The following CASR variants were observed in gnomAD, a reference collection of about 807,000 sequenced individuals.
The protein encoded by CASR is extracellular calcium-sensing receptor.
A neutral mutation model predicts 69.1 loss-of-function variants in CASR; 23 were observed. The observed-to-expected ratio is 0.33, with a 90% CI of 0.24 to 0.47. The LOEUF is 0.47. Ranked by LOEUF, CASR falls within the 20% of genes least tolerant of loss-of-function variation. The pLI is 1.00. For missense variants in CASR, 924 were observed against 1,356.1 expected, an observed-to-expected ratio of 0.68 and a Z score of 5.00; for synonymous variants, 541 against 544.7, an observed-to-expected ratio of 0.99 and a Z score of 0.10.
chr3:122,200,720 T>C (rs1403037693), intron 1 of CASR, among the ~76,000 whole-genome samples: 1 of 152,198 alleles, frequency 6.6e-6, no homozygotes, highest in Non-Finnish European at 1.5e-5. Context: ...CTTTGGCACA[T>C]GTACAAAAGT....
At chr3:122,223,734 AC>A (rs1223553933) in intron 1 of CASR, among the ~76,000 whole-genome samples, 2 of 152,166 alleles carry the variant, frequency 1.3e-5, no homozygotes, top group Non-Finnish European at 2.9e-5. Flanking sequence ...CAAAGACACA[AC>A]CAAAAAAGAA....
chr3:122,194,001 G>A lies in CASR; in HGVS notation c.-243+10189G>A, dbSNP rs558956250. The stretch of plus-strand genomic sequence containing the variant: ...GTCCTAGGCCTGAGGGTTTGTAGGT[G>A]GTGGAAACTAGTCATCTTGGCCCCA... On this transcript the variant is annotated intron_variant, in intron 1 of 6. Transcript: ENST00000639785. Among the ~76,000 whole-genome samples the A allele has an allele frequency of 2.6e-5, 4 of 152,208 alleles. No homozygotes were observed. In the East Asian group the frequency reaches 7.7e-4, roughly 29 times the overall value.
At chr3:122,239,026 C>G (rs1559949038) in intron 1 of CASR, among the ~76,000 whole-genome samples, 1 of 152,090 alleles carries the variant, frequency 6.6e-6, no homozygotes, top group East Asian at 1.9e-4. Flanking sequence ...GCAAAAGATT[C>G]CTTCTGCTTG....
chr3:122,267,266 G>T (rs1257072138), intron 4 of CASR, among the ~76,000 whole-genome samples: 1 of 152,300 alleles, frequency 6.6e-6, no homozygotes, highest in Non-Finnish European at 1.5e-5. Context: ...GTTTAAAGAG[G>T]TGACTTAGAG....
chr3:122,196,398 G>C (rs995912601), intron 1 of CASR, among the ~76,000 whole-genome samples: 1 of 152,110 alleles, frequency 6.6e-6, no homozygotes, highest in African/African-American at 2.4e-5. Flanking sequence ...GTGAAAAGCT[G>C]TGAGATGAAG....
At chr3:122,232,535 G>A (rs2107609362) in intron 1 of CASR, among the ~76,000 whole-genome samples, 1 of 152,318 alleles carries the variant, frequency 6.6e-6, no homozygotes, top group East Asian at 1.9e-4. Flanking sequence ...GCCCACTGGA[G>A]GAACTGAAGG....
intron 3 of CASR, chr3:122,257,616 G>A: frequency 2.1e-6 from 1 of 479,310 alleles, no homozygotes; most frequent in East Asian, 3.3e-5. Flanking sequence ...AATGTACCTT[G>A]CATAAAACTG....
rs2074969199 is a variant in CASR, at chr3:122,286,296, T to C, written c.*1105T>C. ...ACAGACCGGGGTTCAAGCCATGGCT[T>C]CGTCATTTGCAAGCTGAGTGACTGT... On this transcript the variant is annotated 3_prime_UTR_variant, in exon 7 of 7. Coordinates refer to ENST00000639785, the MANE Select transcript of CASR (RefSeq NM_000388.4). The C allele has an allele frequency of 6.6e-6, 1 of 152,198 alleles. No homozygotes were observed. The highest frequency in any genetic ancestry group is 2.4e-5 in the African/African-American group (1 of 41,438). 9.4% of individuals were successfully genotyped at this position (152,198 alleles called of 1,614,324 possible).
chr3:122,208,722 C>T (rs964650866), intron 1 of CASR, among the ~76,000 whole-genome samples: 2 of 152,080 alleles, frequency 1.3e-5, no homozygotes, highest in African/African-American at 4.8e-5. Context: ...AATGAGTTGG[C>T]CTCTGGAGAC....
At chr3:122,265,449 A>G (rs958216634) in intron 4 of CASR, among the ~76,000 whole-genome samples, 3 of 151,142 alleles carry the variant, frequency 2.0e-5, no homozygotes, top group African/African-American at 7.3e-5. Context: ...TCTCTTCACT[A>G]CTCCTTTGCT....
In CASR at chr3:122,257,168, G is replaced by C. The variant is rs2107627555; in HGVS notation, c.273G>C (p.Leu91Phe). ...GCAGCCCAGCCCTTCTTCCCAACTT[G>C]ACGCTGGGATACAGGATATTTGACA... is the stretch of plus-strand genomic sequence containing the variant. ...INSSPALLPNLTLGYRIFDTC... is the reference protein window; with the variant it reads ...INSSPALLPNFTLGYRIFDTC... The change falls in exon 3 of 7, where the codon TTG (leucine) becomes TTC (phenylalanine). Residue 91 changes from leucine to phenylalanine, a missense_variant. By Grantham distance (22) the Leu-to-Phe change is conservative. Transcript: ENST00000639785. 1.2e-6 allele frequency: 2 copies of C among 1,613,906 alleles called. No homozygotes were observed. Among genetic ancestry groups the C allele is most frequent in the Non-Finnish European group, 1.7e-6 (2 of 1,179,802 alleles).
intron 1 of CASR, among the ~76,000 whole-genome samples, chr3:122,230,354 A>C (rs919368110): frequency 1.3e-5 from 2 of 152,212 alleles, no homozygotes; most frequent in African/African-American, 4.8e-5. Context: ...CTCCTTGCTG[A>C]CGCTGCCGCC....
At chr3:122,185,411 G>A (rs573203173) in intron 1 of CASR, among the ~76,000 whole-genome samples, 19 of 152,272 alleles carry the variant, frequency 1.2e-4, no homozygotes, top group South Asian at 4.2e-4. Flanking sequence ...TGGTCCTCAG[G>A]GTAGGGAGCC....
At chr3:122,255,489 C>T (rs2074545093) in intron 2 of CASR, among the ~76,000 whole-genome samples, 2 of 152,162 alleles carry the variant, frequency 1.3e-5, no homozygotes, top group African/African-American at 4.8e-5. Flanking sequence ...AATCTAAGTG[C>T]AGAATCGCAC....
In CASR at chr3:122,267,546, T is replaced by TA. The variant is rs945303687; in HGVS notation, c.1377+5143dup. On this transcript the variant is annotated intron_variant, in intron 4 of 6. Transcript: ENST00000639785. ...TCCTGCTAAGCAAAAGAATACTGACTAAAAAAAAATAGTACATAGTGTATG... is the reference window on the plus strand; with the variant it reads ...TCCTGCTAAGCAAAAGAATACTGACTAAAAAAAAAATAGTACATAGTGTATG... 3.2e-4 allele frequency among the ~76,000 whole-genome samples: 49 copies of TA among 151,218 alleles called. 1 individual carries two copies. The highest frequency in any genetic ancestry group is 8.4e-4 in the South Asian group (4 of 4,790).
At chr3:122,248,350 C>T (rs1467099161) in intron 1 of CASR, among the ~76,000 whole-genome samples, 4 of 152,022 alleles carry the variant, frequency 2.6e-5, no homozygotes, top group South Asian at 2.1e-4. Context: ...CAGCCAGGCA[C>T]GTGAGTTTGG....
At chr3:122,250,201 G>A (rs182365088) in intron 1 of CASR, among the ~76,000 whole-genome samples, 3 of 152,136 alleles carry the variant, frequency 2.0e-5, no homozygotes, top group Non-Finnish European at 4.4e-5. Flanking sequence ...GAGACTGGAT[G>A]TTGGAGGACA....
intron 5 of CASR, among the ~76,000 whole-genome samples, chr3:122,278,630 C>A (rs1387512206): frequency 6.6e-6 from 1 of 152,246 alleles, no homozygotes; most frequent in East Asian, 1.9e-4. Context: ...CTACCTCAGC[C>A]CACTCCTGTG....
At chr3:122,202,221 A>G (rs558804157) in intron 1 of CASR, among the ~76,000 whole-genome samples, 82 of 152,382 alleles carry the variant, frequency 5.4e-4, no homozygotes, top group African/African-American at 1.7e-3. Flanking sequence ...GCTGGAGACC[A>G]GCCCGGCCAA....
Sources: allele counts gnomAD v4.1 joint callset (sites outside exome capture counted in the v4.1 genomes callset), GRCh38; gene constraint gnomAD v4.1.1; transcripts MANE v1.5; gene names NCBI Gene and HGNC (gene_info 2026-07-23, HGNC 2026-07-21).